ARHGEF38: variants seen among roughly 807,000 people sequenced by gnomAD.
ARHGEF38 encodes Rho guanine nucleotide exchange factor 38.
ARHGEF38 carries 79 observed loss-of-function variants against 79.9 expected under a neutral mutation model. That is an observed-to-expected ratio of 0.99 (90% CI 0.82 to 1.19). The LOEUF (loss-of-function observed/expected upper bound fraction) is 1.19, where lower values mean the gene tolerates loss of function less well. Among genes scored for constraint, ARHGEF38 ranks in the 50% most tolerant of loss-of-function variants. The probability of loss-of-function intolerance (pLI) is 0.00; values close to 1 mark genes in which losing one functional copy is unlikely to be tolerated. For missense variants in ARHGEF38, 962 were observed against 907.2 expected, an observed-to-expected ratio of 1.06 and a Z score of -0.78; for synonymous variants, 366 against 328.3, an observed-to-expected ratio of 1.11 and a Z score of -1.24.
chr4:105,675,184 C>G (rs1303501836), intron 13 of ARHGEF38, among the ~76,000 whole-genome samples: 1 of 152,120 alleles, frequency 6.6e-6, no homozygotes, highest in East Asian at 1.9e-4. Context: ...CTTGCTAGAA[C>G]AAGAGTTTGG....
intron 2 of ARHGEF38, among the ~76,000 whole-genome samples, chr4:105,593,216 G>A (rs530187145): frequency 6.6e-6 from 1 of 152,018 alleles, no homozygotes; most frequent in Non-Finnish European, 1.5e-5. Context: ...CTGTCCCTGC[G>A]ATTGGCTAAT....
At chr4:105,605,185 C>G in intron 2 of ARHGEF38, among the ~76,000 whole-genome samples, 1 of 152,220 alleles carries the variant, frequency 6.6e-6, no homozygotes, top group East Asian at 1.9e-4. Flanking sequence ...AAGGCAGAGA[C>G]CTTTAGTCAA....
At chr4:105,681,749 A>C (rs988492533), downstream of ARHGEF38, among the ~76,000 whole-genome samples, 3 of 152,328 alleles carry the variant, frequency 2.0e-5, no homozygotes, top group East Asian at 1.9e-4. Context: ...TTCACCAAAA[A>C]AATTTGCAAC....
rs1731240246 is a variant in ARHGEF38, at chr4:105,679,564, C to T, written c.*1627C>T. On this transcript the variant is annotated 3_prime_UTR_variant, in exon 14 of 14. Coordinates refer to ENST00000420470, the MANE Select transcript of ARHGEF38 (RefSeq NM_001242729.2). ...AAAGCTGCAGCCAATGCATCTATCG[C>T]CCCTTTCTCTTCTATCAGTATCTGA... is the stretch of plus-strand genomic sequence containing the variant. The T allele has an allele frequency of 9.7e-7, 1 of 1,035,648 alleles. No homozygotes were observed. Among genetic ancestry groups the T allele is most frequent in the East Asian group, 2.4e-5 (1 of 42,198 alleles). 64.2% of individuals were successfully genotyped at this position (1,035,648 alleles called of 1,614,324 possible).
At position 105,646,894 on chromosome 4, in the gene ARHGEF38, T is replaced by C. The variant is rs547291539; in HGVS notation, c.874+1507T>C. On this transcript the variant is annotated intron_variant, in intron 6 of 13. Coordinates refer to ENST00000420470, the MANE Select transcript of ARHGEF38 (RefSeq NM_001242729.2). ...ATATGTGCAATATGATACTATTTTA[T>C]AAAGTTTTAAAACATTCAAAATGTA... Among the ~76,000 whole-genome samples the C allele has an allele frequency of 2.0e-5, 3 of 152,244 alleles. No homozygotes were observed. The South Asian group carries it at 6.2e-4, about 32-fold the overall frequency.
intron 3 of ARHGEF38, among the ~76,000 whole-genome samples, chr4:105,629,178 T>C (rs1275654356): frequency 6.6e-6 from 1 of 152,168 alleles, no homozygotes; most frequent in Non-Finnish European, 1.5e-5. Context: ...CTAAATTGTT[T>C]CTGATTTCAA....
At chr4:105,661,730 C>T (rs959102592) in intron 10 of ARHGEF38, among the ~76,000 whole-genome samples, 1 of 151,920 alleles carries the variant, frequency 6.6e-6, no homozygotes, top group African/African-American at 2.4e-5. Flanking sequence ...TTTCCAGTTC[C>T]CCATAAAGAT....
chr4:105,618,684 T>G (rs1466403073), intron 3 of ARHGEF38, among the ~76,000 whole-genome samples: 2 of 152,196 alleles, frequency 1.3e-5, no homozygotes, highest in African/African-American at 4.8e-5. Flanking sequence ...CACAGTCAAC[T>G]ATTGCAGACA....
At chr4:105,583,927 G>A (rs900417908) in intron 1 of ARHGEF38, among the ~76,000 whole-genome samples, 1 of 152,018 alleles carries the variant, frequency 6.6e-6, no homozygotes, top group Admixed American at 6.6e-5. Flanking sequence ...TTTCTTTGGA[G>A]CATTATTTTT....
chr4:105,598,793 A>G (rs1727697661), intron 2 of ARHGEF38, among the ~76,000 whole-genome samples: 1 of 152,110 alleles, frequency 6.6e-6, no homozygotes, highest in African/African-American at 2.4e-5. Context: ...TCATAAAGTC[A>G]GAAAAAAAAA....
At chr4:105,651,203 T>C (rs374195661) in intron 7 of ARHGEF38, among the ~76,000 whole-genome samples, 4 of 152,260 alleles carry the variant, frequency 2.6e-5, no homozygotes, top group East Asian at 3.8e-4. Flanking sequence ...CCTGAAGGGA[T>C]ATTAATTAGA....
At chr4:105,631,532 A>G (rs1729193949) in intron 4 of ARHGEF38, 3 of 985,374 alleles carry the variant, frequency 3.0e-6, no homozygotes, top group Non-Finnish European at 2.4e-6. Context: ...TTTCAGAACA[A>G]TTACTCATGC....
chr4:105,599,354 A>C (rs1727724142), intron 2 of ARHGEF38, among the ~76,000 whole-genome samples: 1 of 152,150 alleles, frequency 6.6e-6, no homozygotes, highest in African/African-American at 2.4e-5. Flanking sequence ...GGACCAAGTG[A>C]GGATAAAAAT....
intron 10 of ARHGEF38, among the ~76,000 whole-genome samples, chr4:105,665,548 G>A (rs1231609465): frequency 6.6e-6 from 1 of 151,640 alleles, no homozygotes; most frequent in Non-Finnish European, 1.5e-5. Context: ...GTGATCTTCT[G>A]GCCTCAGCTT....
chr4:105,680,522 T>C lies in ARHGEF38; in HGVS notation c.*2585T>C. The stretch of plus-strand genomic sequence containing the variant: ...CATAAAATAATAAATGCTATTTATA[T>C]AAAACTGGCTACTTTCATTACTGCT... On this transcript the variant is annotated 3_prime_UTR_variant, in exon 14 of 14. Coordinates refer to ENST00000420470, the MANE Select transcript of ARHGEF38 (RefSeq NM_001242729.2). The C allele has an allele frequency of 6.5e-6, 1 of 153,238 alleles. No homozygotes were observed. The highest frequency in any genetic ancestry group is 1.9e-4 in the East Asian group (1 of 5,252). The allele number at this position is 153,238 out of a possible 1,614,324, so 9.5% of individuals were successfully genotyped here.
chr4:105,645,853 G>C (rs1206578490), intron 6 of ARHGEF38, among the ~76,000 whole-genome samples: 1 of 152,148 alleles, frequency 6.6e-6, no homozygotes, highest in Non-Finnish European at 1.5e-5. Context: ...AGCTTTTGTG[G>C]CAATAATTTC....
intron 3 of ARHGEF38, among the ~76,000 whole-genome samples, chr4:105,628,558 G>C (rs1383765982): frequency 6.6e-6 from 1 of 152,158 alleles, no homozygotes; most frequent in East Asian, 1.9e-4. Flanking sequence ...ACCTACACTA[G>C]TTGAAGGATG....
chr4:105,681,291 A>G (rs547837295), downstream of ARHGEF38, among the ~76,000 whole-genome samples: 1 of 151,888 alleles, frequency 6.6e-6, no homozygotes, highest in African/African-American at 2.4e-5. Context: ...CTTTCCTTAA[A>G]AAAAAAAAGA....
intron 10 of ARHGEF38, among the ~76,000 whole-genome samples, chr4:105,663,209 C>A (rs1296033776): frequency 1.3e-5 from 2 of 152,042 alleles, no homozygotes; most frequent in Non-Finnish European, 2.9e-5. Flanking sequence ...TGTTTTAATA[C>A]CTGCTCACTG....
Sources: allele counts gnomAD v4.1 joint callset (sites outside exome capture counted in the v4.1 genomes callset), GRCh38; gene constraint gnomAD v4.1.1; transcripts MANE v1.5; gene names NCBI Gene and HGNC (gene_info 2026-07-23, HGNC 2026-07-21).